SETD2: variants seen among roughly 807,000 people sequenced by gnomAD.
SETD2 encodes SET domain containing 2, histone lysine methyltransferase.
In SETD2, 31 loss-of-function variants were observed where a neutral mutation model predicts 242.1. That is an observed-to-expected ratio of 0.13 (90% CI 0.10 to 0.17). The LOEUF (loss-of-function observed/expected upper bound fraction) is 0.17, where lower values mean the gene tolerates loss of function less well. SETD2 is among the 10% of genes least tolerant of loss of function. The probability of loss-of-function intolerance (pLI) is 1.00; values close to 1 mark genes in which losing one functional copy is unlikely to be tolerated. For missense variants in SETD2, 2,481 were observed against 3,046.3 expected (o/e 0.81, Z 4.37); for synonymous variants, 1,006 against 1,066.5 (o/e 0.94, Z 1.11).
At chr3:47,108,022 T>C (rs1289140239) in intron 5 of SETD2, among the ~76,000 whole-genome samples, 2 of 152,058 alleles carry the variant, frequency 1.3e-5, no homozygotes, top group East Asian at 3.8e-4. Context: ...CTCAAGTCTG[T>C]AATTCCAGCA....
At chr3:47,051,887 C>T (rs1035692185) in intron 15 of SETD2, among the ~76,000 whole-genome samples, 3 of 152,020 alleles carry the variant, frequency 2.0e-5, no homozygotes, top group Admixed American at 1.3e-4. Flanking sequence ...CTGACAAGAC[C>T]GGATGTTTAA....
Position 47,087,462 on chromosome 3 carries a change from A to C in SETD2, c.5277+651T>G, listed in dbSNP as rs997058429. 2.0e-5 allele frequency among the ~76,000 whole-genome samples: 3 copies of C among 152,170 alleles called. No individual in the cohort carries two copies. The East Asian group carries it at 5.8e-4, about 29-fold the overall frequency. ...TCACAATAGGGTTCGTGCTCCTATGAGAATCGAATGCCGCTGCTACTCTGA... is the reference window on the plus strand; with the variant it reads ...TCACAATAGGGTTCGTGCTCCTATGCGAATCGAATGCCGCTGCTACTCTGA... On this transcript the variant is annotated intron_variant, in intron 10 of 20. Transcript: ENST00000409792.
upstream of SETD2, among the ~76,000 whole-genome samples, chr3:47,164,225 G>A (rs993520877): frequency 1.3e-5 from 2 of 152,190 alleles, no homozygotes; most frequent in African/African-American, 4.8e-5. This position sits in a 1 kb window ranked among gnomAD's most constrained non-coding sequence, Gnocchi z 5.4. Flanking sequence ...CAGTCGGCGT[G>A]CCTTGCAGCT....
At chr3:47,097,077 A>G (rs1356658102) in intron 9 of SETD2, among the ~76,000 whole-genome samples, 1 of 152,122 alleles carries the variant, frequency 6.6e-6, no homozygotes, top group Non-Finnish European at 1.5e-5. Flanking sequence ...CCCCATCTAA[A>G]CAGAAAAATT....
At chr3:47,050,005 T>C (rs1020449227) in intron 15 of SETD2, among the ~76,000 whole-genome samples, 4 of 147,538 alleles carry the variant, frequency 2.7e-5, no homozygotes, top group Non-Finnish European at 6.0e-5. Context: ...ATGTTTCTTA[T>C]ATATATAAAC....
chr3:47,064,900 A>C (rs138139101), intron 13 of SETD2, among the ~76,000 whole-genome samples: 3 of 151,712 alleles, frequency 2.0e-5, no homozygotes, highest in Non-Finnish European at 4.4e-5. Flanking sequence ...TGAAAGAGAG[A>C]CTAAGGTCGG....
intron 1 of SETD2, among the ~76,000 whole-genome samples, chr3:47,145,311 T>C (rs748982628): frequency 1.3e-5 from 2 of 152,236 alleles, no homozygotes; most frequent in African/African-American, 2.4e-5. Context: ...ATACCCCTTA[T>C]ACACATGGCC....
chr3:47,036,005 C>T (rs537715816), intron 18 of SETD2, among the ~76,000 whole-genome samples: 3 of 152,134 alleles, frequency 2.0e-5, no homozygotes, highest in East Asian at 3.9e-4. Flanking sequence ...ATGGATTGAA[C>T]GTAAGTGTGT....
chr3:47,058,440 C>CAAAAAAAAAAAAAAAA lies in SETD2; in HGVS notation c.6294-966_6294-951dup, dbSNP rs1174283471. Among the ~76,000 whole-genome samples, 23 of 21,974 alleles carry CAAAAAAAAAAAAAAAA rather than the reference C, an allele frequency of 1.0e-3. 4 individuals are homozygous for CAAAAAAAAAAAAAAAA. The highest frequency in any genetic ancestry group is 5.7e-3 in the African/African-American group (23 of 4,024). 14.4% of individuals were successfully genotyped at this position (21,974 alleles called of 152,430 possible). A position where few individuals can be genotyped will look rare whatever the true frequency, so the allele number is the denominator to read the frequency against. ...TGGGCAACAGGGCAAGACACCGTCTCAAAAAAAAAAAAAAAAAAAAAAAAC... is the reference window on the plus strand; with the variant it reads ...TGGGCAACAGGGCAAGACACCGTCTCAAAAAAAAAAAAAAAAAAAAAAAAAAAAAAAAAAAAAAAAC... On this transcript the variant is annotated intron_variant, in intron 14 of 20. Transcript: ENST00000409792.
chr3:47,159,466 T>C (rs760917868), intron 1 of SETD2, among the ~76,000 whole-genome samples: 37 of 152,206 alleles, frequency 2.4e-4, no homozygotes, highest in Non-Finnish European at 4.4e-4. Flanking sequence ...CTTCAAAACA[T>C]ATCCAGTATC....
chr3:47,042,817 G>T, intron 16 of SETD2, 117 bp from the exon 17 acceptor site: 1 of 943,244 alleles, frequency 1.1e-6, no homozygotes, highest in South Asian at 1.6e-5. Context: ...TTAAAAAAAG[G>T]ATAAAGGAAA....
At chr3:47,078,727 GTTGTT>G (rs542240751) in intron 12 of SETD2, among the ~76,000 whole-genome samples, 2,007 of 151,682 alleles carry the variant, frequency 0.013, 30 homozygotes, top group Non-Finnish European at 0.019. Flanking sequence ...CTTAGTTGTT[GTTGTT>G]TTGTTTTGTT....
chr3:47,057,554 A>G (rs955199182), intron 14 of SETD2, 64 bp from the exon 15 acceptor site: 4 of 1,197,414 alleles, frequency 3.3e-6, no homozygotes, highest in Non-Finnish European at 4.8e-6. Flanking sequence ...CAAAGCACTA[A>G]TAAGTATTAT....
At chr3:47,057,910 G>C (rs955189164) in intron 14 of SETD2, among the ~76,000 whole-genome samples, 14 of 152,116 alleles carry the variant, frequency 9.2e-5, no homozygotes, top group Admixed American at 7.2e-4. Context: ...CAGGAGATTA[G>C]ATATGAAGAG....
At chr3:47,114,185 G>A (rs2042764854) in intron 4 of SETD2, among the ~76,000 whole-genome samples, 181 bp from the exon 5 acceptor site, 2 of 152,236 alleles carry the variant, frequency 1.3e-5, no homozygotes, top group Admixed American at 1.3e-4. Flanking sequence ...CCTTAGAACT[G>A]AGTATCTACA....
At chr3:47,141,625 T>C (rs1259700404) in intron 1 of SETD2, among the ~76,000 whole-genome samples, 3 of 152,194 alleles carry the variant, frequency 2.0e-5, no homozygotes, top group Admixed American at 6.5e-5. Context: ...AATAATTTTA[T>C]TATTTCATGT....
chr3:47,095,673 T>C (rs1054303177), intron 9 of SETD2, among the ~76,000 whole-genome samples: 1 of 151,300 alleles, frequency 6.6e-6, no homozygotes, highest in African/African-American at 2.4e-5. Context: ...TGTGCAAAGA[T>C]ACTAACTTTG....
rs2107742563 is a variant in SETD2, at chr3:47,120,524, T to C, written c.4112A>G (p.Glu1371Gly). 1 of 1,614,070 alleles carries C rather than the reference T, an allele frequency of 6.2e-7. No homozygotes were observed. Reference sequence around the variant, plus strand: ...GTCCTTAATGGAATTGCTGCTTATTTCAGGTGCTTGCACTGACCCCTTGTC... The same window carrying C: ...GTCCTTAATGGAATTGCTGCTTATTCCAGGTGCTTGCACTGACCCCTTGTC... The part of the protein sequence containing the change: ...QKDKGSVQAP[E>G]ISSNSIKDTL... Residue 1371 changes from glutamate (E) to glycine (G), a missense_variant, in exon 3 of 21, where the codon GAA becomes GGA. Coordinates refer to ENST00000409792, the MANE Select transcript of SETD2 (RefSeq NM_014159.7).
At chr3:47,049,928 T>G (rs2039746338) in intron 15 of SETD2, among the ~76,000 whole-genome samples, 1 of 142,782 alleles carries the variant, frequency 7.0e-6, no homozygotes, top group Non-Finnish European at 1.5e-5. Context: ...ATATTATATA[T>G]AAACTTATTC....
Sources: allele counts gnomAD v4.1 joint callset (sites outside exome capture counted in the v4.1 genomes callset), GRCh38; gene constraint gnomAD v4.1.1; non-coding constraint Gnocchi (gnomAD v3.1); transcripts MANE v1.5; gene names NCBI Gene and HGNC (gene_info 2026-07-23, HGNC 2026-07-21).